PDE4D: variants seen among roughly 807,000 people sequenced by gnomAD.
PDE4D encodes the protein 3',5'-cyclic-AMP phosphodiesterase 4D.
PDE4D carries 24 observed loss-of-function variants against 87.4 expected under a neutral mutation model. The observed-to-expected ratio is 0.27, with a 90% CI of 0.20 to 0.39. The LOEUF (loss-of-function observed/expected upper bound fraction) is 0.39, where lower values mean the gene tolerates loss of function less well. PDE4D is among the 10% of genes least tolerant of loss of function. The pLI is 1.00. For missense variants in PDE4D, 714 were observed against 1,041.0 expected (o/e 0.69, Z 4.32); for synonymous variants, 384 against 383.2 (o/e 1.00, Z -0.02).
chr5:59,362,397 T>C (rs1322700382), intron 1 of PDE4D, among the ~76,000 whole-genome samples: 2 of 152,130 alleles, frequency 1.3e-5, no homozygotes, highest in South Asian at 2.1e-4. Context: ...TTATATCCCA[T>C]GTGTGTAAGA....
At chr5:59,874,326 A>G (rs1748247794) in intron 1 of PDE4D, among the ~76,000 whole-genome samples, 1 of 152,232 alleles carries the variant, frequency 6.6e-6, no homozygotes, top group Admixed American at 6.5e-5. Flanking sequence ...TTCTCATTGC[A>G]TTATTGGAAA....
chr5:59,384,169 G>C (rs1028769266), intron 1 of PDE4D, among the ~76,000 whole-genome samples: 1 of 152,134 alleles, frequency 6.6e-6, no homozygotes, highest in Non-Finnish European at 1.5e-5. Flanking sequence ...GCCTCCCAAA[G>C]TGCTAGGATT....
At chr5:59,001,406 C>A (rs1368981096) in intron 6 of PDE4D, among the ~76,000 whole-genome samples, 3 of 152,162 alleles carry the variant, frequency 2.0e-5, no homozygotes, top group Non-Finnish European at 2.9e-5. Flanking sequence ...AACACTGTGT[C>A]TCTCTGAGTT....
chr5:59,129,194 A>G (rs1775928308), intron 5 of PDE4D, among the ~76,000 whole-genome samples: 1 of 152,224 alleles, frequency 6.6e-6, no homozygotes, highest in Admixed American at 6.5e-5. Flanking sequence ...TGAGTTTCAC[A>G]ACTAGTGTAA....
At chr5:59,270,951 A>T (rs563037888) in intron 1 of PDE4D, among the ~76,000 whole-genome samples, 6 of 152,192 alleles carry the variant, frequency 3.9e-5, no homozygotes, top group Non-Finnish European at 8.8e-5. Context: ...TTGTAATAAG[A>T]ACTAAATAAT....
chr5:59,312,137 C>T (rs1186617313), intron 1 of PDE4D, among the ~76,000 whole-genome samples: 2 of 152,184 alleles, frequency 1.3e-5, no homozygotes, highest in East Asian at 1.9e-4. Context: ...CAACTGAACT[C>T]GTCCAGGTCC....
intron 5 of PDE4D, among the ~76,000 whole-genome samples, chr5:59,064,682 T>C (rs1055128173): frequency 3.3e-5 from 5 of 152,198 alleles, no homozygotes; most frequent in Non-Finnish European, 5.9e-5. Flanking sequence ...ACCATCTGTT[T>C]TGACTTGTTA....
At chr5:59,436,296 T>C (rs1042456207) in intron 1 of PDE4D, among the ~76,000 whole-genome samples, 1 of 152,156 alleles carries the variant, frequency 6.6e-6, no homozygotes, top group African/African-American at 2.4e-5. Flanking sequence ...AATAAAAAGA[T>C]GTAAATATCT....
chr5:59,800,407 G>A (rs1766983834), intron 1 of PDE4D, among the ~76,000 whole-genome samples: 2 of 152,104 alleles, frequency 1.3e-5, no homozygotes, highest in Non-Finnish European at 2.9e-5. Flanking sequence ...TATAGTAAAT[G>A]AAGATATGTG....
chr5:60,321,727 G>A (rs763101792), intron 1 of PDE4D, among the ~76,000 whole-genome samples: 1 of 152,066 alleles, frequency 6.6e-6, no homozygotes, highest in Non-Finnish European at 1.5e-5. Context: ...CACAAAGTGA[G>A]CAAAGGACAT....
At chr5:59,693,413 G>C (rs377544208) in intron 1 of PDE4D, among the ~76,000 whole-genome samples, 1 of 152,190 alleles carries the variant, frequency 6.6e-6, no homozygotes, top group East Asian at 1.9e-4. Flanking sequence ...TATATTAAAA[G>C]TGGTTATTAA....
chr5:59,903,479 A>T (rs1005294624), intron 3 of PDE4D, among the ~76,000 whole-genome samples: 4 of 152,162 alleles, frequency 2.6e-5, no homozygotes, highest in Non-Finnish European at 5.9e-5. Flanking sequence ...GGTGAAAGGG[A>T]TAAGACAGAG....
intron 1 of PDE4D, chr5:59,356,736 T>C: frequency 6.4e-7 from 1 of 1,559,998 alleles, no homozygotes; most frequent in Non-Finnish European, 8.6e-7. Flanking sequence ...TCTTCCTAGC[T>C]ACAAAAGGAA....
chr5:60,327,838 C>A (rs1254135350), intron 1 of PDE4D, among the ~76,000 whole-genome samples: 1 of 152,098 alleles, frequency 6.6e-6, no homozygotes, highest in East Asian at 1.9e-4. Context: ...GTATCGCAAA[C>A]ATTTATGTGG....
At chr5:59,345,244 A>G (rs1214485966) in intron 1 of PDE4D, among the ~76,000 whole-genome samples, 2 of 152,190 alleles carry the variant, frequency 1.3e-5, no homozygotes, top group African/African-American at 4.8e-5. Context: ...GTGGTTTAGG[A>G]AAAGTCCAAA....
At chr5:59,110,208 G>C (rs902065327) in intron 5 of PDE4D, among the ~76,000 whole-genome samples, 1 of 152,214 alleles carries the variant, frequency 6.6e-6, no homozygotes, top group Non-Finnish European at 1.5e-5. Flanking sequence ...TGGCTTTAAG[G>C]CTCTTGTGAG....
At chr5:59,065,065 TATACACACACACACACACACAC>T (rs1223532660) in intron 5 of PDE4D, among the ~76,000 whole-genome samples, 26 of 10,520 alleles carry the variant, frequency 2.5e-3, no homozygotes, top group Admixed American at 5.8e-3. Context: ...GTGATATATA[TATACACACACACACACACACAC>T]ACACACACAC....
chr5:59,165,501 C>T (rs1203293954), intron 5 of PDE4D, among the ~76,000 whole-genome samples: 1 of 152,174 alleles, frequency 6.6e-6, no homozygotes, highest in African/African-American at 2.4e-5. Flanking sequence ...GTCTCAAACT[C>T]CTGACCTCAG....
chr5:60,101,384 G>A (rs1776199421), intron 2 of PDE4D, among the ~76,000 whole-genome samples: 1 of 151,990 alleles, frequency 6.6e-6, no homozygotes, highest in Non-Finnish European at 1.5e-5. Flanking sequence ...TGCCAATTCT[G>A]AATCTCAGGG....
Sources: gnomAD v4.1 joint callset for allele counts (sites outside exome capture counted in the v4.1 genomes callset) on GRCh38, gnomAD v4.1.1 for gene constraint, MANE v1.5 for transcripts, NCBI Gene and HGNC (gene_info 2026-07-23, HGNC 2026-07-21) for gene names.